Variants in DLGAP1 observed in about 807,000 individuals in gnomAD.
DLGAP1 encodes the protein disks large-associated protein 1.
DLGAP1 carries 11 observed loss-of-function variants against 90.8 expected under a neutral mutation model. The ratio of observed to expected loss-of-function variants is 0.12; its 90% CI spans 0.08 to 0.20. The LOEUF is 0.20. DLGAP1 is among the 10% of genes least tolerant of loss of function. DLGAP1 has a pLI of 1.00. For synonymous variants in DLGAP1, 558 were observed against 540.7 expected (o/e 1.03, Z -0.44); for missense variants, 1,050 against 1,333.8 (o/e 0.79, Z 3.31).
Position 3,879,677 on chromosome 18 carries a change from C to T in DLGAP1, c.392G>A (p.Arg131His), listed in dbSNP as rs766880847. 7.5e-6 allele frequency: 12 copies of T among 1,606,718 alleles called. No homozygotes were observed. In the Admixed American group the frequency reaches 1.5e-4, roughly 20 times the overall value. Residue 131 changes from arginine to histidine, a missense_variant, in exon 4 of 13, where the codon CGC (arginine) becomes CAC (histidine). Arg to His is a conservative substitution (Grantham distance 29). Around this residue, in one of 2 missense-constraint regions of DLGAP1, gnomAD observed 485 missense variants for 454.1 expected, o/e 1.07. Transcript: ENST00000315677. This position sits in a 1 kb window ranked among gnomAD's most constrained non-coding sequence, Gnocchi z 6.6. ...GCGGATGCGGCCGGGGCTGTCGCTGCGGTGCTCCACGGCCGTGCGCTTGTA... is the reference window on the plus strand; with the variant it reads ...GCGGATGCGGCCGGGGCTGTCGCTGTGGTGCTCCACGGCCGTGCGCTTGTA... Reference protein sequence around the residue: ...LQYKRTAVEHRSDSPGRIRHL... With the variant: ...LQYKRTAVEHHSDSPGRIRHL...
chr18:3,736,308 A>T (rs2147556423), intron 6 of DLGAP1, among the ~76,000 whole-genome samples: 1 of 152,350 alleles, frequency 6.6e-6, no homozygotes, highest in East Asian at 1.9e-4. Flanking sequence ...TTTAAATTAG[A>T]TGTACCTATG....
intron 4 of DLGAP1, among the ~76,000 whole-genome samples, chr18:3,819,872 G>GT (rs1373617980): frequency 1.3e-5 from 2 of 152,156 alleles, no homozygotes; most frequent in Non-Finnish European, 2.9e-5. Flanking sequence ...ATATCATAGT[G>GT]TTTTAAGGTC....
intron 1 of DLGAP1, among the ~76,000 whole-genome samples, chr18:4,359,827 G>A (rs2081594952): frequency 1.3e-5 from 2 of 152,144 alleles, no homozygotes; most frequent in Admixed American, 6.5e-5. Flanking sequence ...GATAAAGTAG[G>A]GAAGAAAATA....
Position 3,563,120 on chromosome 18 carries a change from C to A in DLGAP1, c.2057+4370G>T, listed in dbSNP as rs146533276. On this transcript the variant is annotated intron_variant, in intron 9 of 12. Coordinates refer to ENST00000315677, the MANE Select transcript of DLGAP1 (RefSeq NM_004746.4). Reference sequence around the variant, plus strand: ...GGGATTACAGATGTGAGCCACTGAACCCGGCCTAGTTCTTATCTTTGCTCC... The same window carrying A: ...GGGATTACAGATGTGAGCCACTGAAACCGGCCTAGTTCTTATCTTTGCTCC... Among the ~76,000 whole-genome samples the A allele has an allele frequency of 7.1e-3, 1,087 of 152,268 alleles. 7 individuals carry two copies. The highest frequency in any genetic ancestry group is 0.011 in the Non-Finnish European group (725 of 68,012).
At position 4,038,420 on chromosome 18, in the gene DLGAP1, T is replaced by C. The variant is rs184299205; in HGVS notation, c.-158-33219A>G. Among the ~76,000 whole-genome samples, 450 of 152,266 alleles carry C rather than the reference T, an allele frequency of 3.0e-3. 2 individuals are homozygous for C. Among genetic ancestry groups the C allele is most frequent in the African/African-American group, 0.011 (439 of 41,552 alleles). On this transcript the variant is annotated intron_variant, in intron 2 of 12. Coordinates refer to ENST00000315677, the MANE Select transcript of DLGAP1 (RefSeq NM_004746.4). ...GACCCATTTCATATTTCACAGCCAA[T>C]AACAGAAGCCTATAGGAGAGCAGCC... is the stretch of plus-strand genomic sequence containing the variant.
At chr18:4,107,343 T>C (rs535983570) in intron 2 of DLGAP1, among the ~76,000 whole-genome samples, 69 of 152,302 alleles carry the variant, frequency 4.5e-4, no homozygotes, top group African/African-American at 1.6e-3. Flanking sequence ...GGGAAAGCCG[T>C]CTGGAAGCTG....
chr18:4,401,585 A>G (rs558921541), intron 1 of DLGAP1, among the ~76,000 whole-genome samples: 23 of 152,188 alleles, frequency 1.5e-4, no homozygotes, highest in Non-Finnish European at 3.1e-4. Context: ...GATCTTCTTT[A>G]AAAAGCATAA....
At chr18:3,780,083 C>T (rs1039093859) in intron 5 of DLGAP1, among the ~76,000 whole-genome samples, 9 of 152,018 alleles carry the variant, frequency 5.9e-5, no homozygotes, top group Middle Eastern at 3.2e-3. Context: ...CCACCGCTCC[C>T]GGCCTGTTAC....
At chr18:4,313,493 T>C (rs751605799) in intron 1 of DLGAP1, among the ~76,000 whole-genome samples, 2 of 152,180 alleles carry the variant, frequency 1.3e-5, no homozygotes, top group Non-Finnish European at 2.9e-5. Flanking sequence ...TTTAAATGCT[T>C]ATTCTTGTGA....
At chr18:3,547,753 A>G (rs2053145626) in intron 9 of DLGAP1, among the ~76,000 whole-genome samples, 1 of 152,196 alleles carries the variant, frequency 6.6e-6, no homozygotes, top group African/African-American at 2.4e-5. Flanking sequence ...ATCAAAAAGA[A>G]TTTAAAACAG....
Position 3,499,481 on chromosome 18 carries a change from CAGTTTTT to C in DLGAP1, c.2725-94_2725-88del. The C allele has an allele frequency of 7.2e-7, 1 of 1,384,616 alleles. No homozygotes were observed. Among genetic ancestry groups the C allele is most frequent in the Non-Finnish European group, 9.8e-7 (1 of 1,015,590 alleles). 85.8% of individuals were successfully genotyped at this position (1,384,616 alleles called of 1,614,324 possible). On this transcript the variant is annotated intron_variant, in intron 12 of 12. Coordinates refer to ENST00000315677, the MANE Select transcript of DLGAP1 (RefSeq NM_004746.4). The surrounding 1 kb of genome is among the most constrained non-coding windows in gnomAD (Gnocchi z 6.4). ...GGGATAGGTCAGTAGTTAGAACACA[CAGTTTTT>C]TACCTAGGGGTGGTTAGTTCTGATC...
chr18:4,367,051 G>A (rs2081790191), intron 1 of DLGAP1, among the ~76,000 whole-genome samples: 2 of 131,134 alleles, frequency 1.5e-5, no homozygotes, highest in African/African-American at 5.6e-5. Context: ...TTCTTATCCT[G>A]CAGCTGCTGA....
At chr18:4,188,838 C>G (rs1807218100) in intron 1 of DLGAP1, among the ~76,000 whole-genome samples, 1 of 152,108 alleles carries the variant, frequency 6.6e-6, no homozygotes, top group African/African-American at 2.4e-5. Flanking sequence ...TTCATATTCT[C>G]TTTGCAACAT....
intron 4 of DLGAP1, among the ~76,000 whole-genome samples, chr18:3,867,354 C>T (rs954579549): frequency 6.6e-6 from 1 of 152,000 alleles, no homozygotes; most frequent in Non-Finnish European, 1.5e-5. Context: ...GGATTCCCTT[C>T]CAAATTATGT....
At chr18:3,973,097 T>G (rs1001411162) in intron 3 of DLGAP1, among the ~76,000 whole-genome samples, 15 of 152,178 alleles carry the variant, frequency 9.9e-5, no homozygotes, top group African/African-American at 3.6e-4. Context: ...CTGGGACTAT[T>G]AAGGTATTAT....
intron 3 of DLGAP1, among the ~76,000 whole-genome samples, chr18:3,938,707 T>A (rs1037324959): frequency 2.0e-4 from 30 of 152,052 alleles, no homozygotes; most frequent in African/African-American, 7.0e-4. Flanking sequence ...AGGAGAAGTG[T>A]GGTGCAAGAG....
At chr18:4,426,994 A>G (rs2083172351) in intron 1 of DLGAP1, among the ~76,000 whole-genome samples, 1 of 152,244 alleles carries the variant, frequency 6.6e-6, no homozygotes, top group South Asian at 2.1e-4. Context: ...GGCATTATAG[A>G]TTTTGAATTA....
At chr18:4,147,683 G>C (rs1034173240) in intron 2 of DLGAP1, among the ~76,000 whole-genome samples, 1 of 151,872 alleles carries the variant, frequency 6.6e-6, no homozygotes, top group Admixed American at 6.6e-5. Flanking sequence ...ACACAGTAAA[G>C]GATATAAAAA....
intron 7 of DLGAP1, among the ~76,000 whole-genome samples, chr18:3,628,292 C>T (rs187844675): frequency 1.8e-4 from 27 of 150,014 alleles, no homozygotes; most frequent in East Asian, 9.9e-4. Flanking sequence ...CGGGTTCGAG[C>T]GATTCTCCTA....
Sources: allele counts gnomAD v4.1 joint callset (sites outside exome capture counted in the v4.1 genomes callset), GRCh38; gene constraint gnomAD v4.1.1; regional missense constraint gnomAD v4.1.1; non-coding constraint Gnocchi (gnomAD v3.1); transcripts MANE v1.5; gene names NCBI Gene and HGNC (gene_info 2026-07-23, HGNC 2026-07-21).